The following LRRC7 variants were observed in gnomAD, a reference collection of about 807,000 sequenced individuals.
LRRC7 encodes the protein leucine-rich repeat-containing protein 7.
Under a neutral mutation model 175.7 loss-of-function variants are expected in LRRC7, and 23 were observed. The ratio of observed to expected loss-of-function variants is 0.13; its 90% CI spans 0.09 to 0.19. LRRC7 has a LOEUF of 0.19. LRRC7 is among the 10% of genes least tolerant of loss of function. LRRC7 has a pLI of 1.00. For synonymous variants in LRRC7, 685 were observed against 680.9 expected (o/e 1.01, Z -0.09); for missense variants, 1,354 against 1,904.7 (o/e 0.71, Z 5.38).
chr1:69,887,971 C>T (rs1459301646), intron 7 of LRRC7, among the ~76,000 whole-genome samples: 1 of 137,002 alleles, frequency 7.3e-6, no homozygotes, highest in Non-Finnish European at 1.6e-5. Context: ...GGCAGTCTGC[C>T]CGTTCTCAGA....
chr1:70,102,936 A>G (rs1318357777), intron 25 of LRRC7, among the ~76,000 whole-genome samples: 1 of 152,124 alleles, frequency 6.6e-6, no homozygotes, highest in Non-Finnish European at 1.5e-5. Flanking sequence ...TGGCTTCTCA[A>G]AAACATCCTA....
chr1:70,062,087 A>G (rs937302802), intron 23 of LRRC7, among the ~76,000 whole-genome samples: 1 of 152,106 alleles, frequency 6.6e-6, no homozygotes. Context: ...CACCAATAGG[A>G]GGCTTTTGAG....
At chr1:69,916,202 A>ATT (rs1406446033) in intron 7 of LRRC7, among the ~76,000 whole-genome samples, 4 of 118,218 alleles carry the variant, frequency 3.4e-5, no homozygotes, top group African/African-American at 6.6e-5. Flanking sequence ...TTTTATATAT[A>ATT]AAAATAAAAT....
chr1:70,006,386 C>T (rs555122989), intron 11 of LRRC7, among the ~76,000 whole-genome samples: 47 of 151,278 alleles, frequency 3.1e-4, no homozygotes, highest in Admixed American at 8.6e-4. Context: ...GAAGGAGAAT[C>T]GCTTGAACCC....
intron 2 of LRRC7, among the ~76,000 whole-genome samples, chr1:69,717,829 A>AG (rs1467712531): frequency 2.5e-4 from 15 of 60,526 alleles, no homozygotes; most frequent in African/African-American, 6.9e-4. Context: ...AAAGAAAGAA[A>AG]GAAAGAAAGA....
intron 5 of LRRC7, among the ~76,000 whole-genome samples, chr1:69,832,303 TA>T (rs574400765): frequency 6.6e-5 from 10 of 152,228 alleles, no homozygotes; most frequent in African/African-American, 2.4e-4. Context: ...AGAGGGACAT[TA>T]ATTCCATGGA....
At chr1:69,993,652 G>A (rs749137204) in intron 10 of LRRC7, among the ~76,000 whole-genome samples, 47 of 152,160 alleles carry the variant, frequency 3.1e-4, no homozygotes, top group African/African-American at 6.0e-4. Flanking sequence ...TTAATTTGGC[G>A]TCTCTCAAAA....
intron 4 of LRRC7, among the ~76,000 whole-genome samples, chr1:69,814,895 C>T (rs996786160): frequency 1.3e-5 from 2 of 152,120 alleles, no homozygotes; most frequent in African/African-American, 4.8e-5. Context: ...ACTTTCTTGC[C>T]ACATTTTGTT....
intron 2 of LRRC7, among the ~76,000 whole-genome samples, chr1:69,710,990 C>T (rs753225650): frequency 5.3e-5 from 8 of 152,220 alleles, no homozygotes; most frequent in South Asian, 2.1e-4. Context: ...ACTGCAAAAA[C>T]GTTCTTTGCT....
At chr1:70,095,667 A>T (rs1290656366) in intron 25 of LRRC7, among the ~76,000 whole-genome samples, 2 of 152,182 alleles carry the variant, frequency 1.3e-5, no homozygotes, top group Non-Finnish European at 2.9e-5. Flanking sequence ...CAGCTTATGA[A>T]AGCAAATAAG....
intron 25 of LRRC7, 69 bp from the exon 26 acceptor site, chr1:70,107,683 T>G: frequency 8.9e-7 from 1 of 1,124,784 alleles, no homozygotes. Context: ...TCTATGTGAA[T>G]GAAGATTTGT....
At chr1:69,660,388 A>T (rs1657281381) in intron 1 of LRRC7, among the ~76,000 whole-genome samples, 2 of 152,158 alleles carry the variant, frequency 1.3e-5, no homozygotes. Flanking sequence ...ATAGACAAAC[A>T]GAAACAAAAT....
intron 2 of LRRC7, among the ~76,000 whole-genome samples, chr1:69,754,522 T>C (rs1318516169): frequency 4.0e-5 from 6 of 151,848 alleles, no homozygotes; most frequent in Admixed American, 3.3e-4. Context: ...AGGAGGAGGT[T>C]TGGGTAGAAC....
chr1:70,016,258 T>C (rs1571021596), intron 13 of LRRC7, among the ~76,000 whole-genome samples: 1 of 152,268 alleles, frequency 6.6e-6, no homozygotes, highest in East Asian at 1.9e-4. Flanking sequence ...TGTTAAACAT[T>C]TTTTATTTTT....
intron 18 of LRRC7, among the ~76,000 whole-genome samples, chr1:70,031,729 T>C (rs981333563): frequency 2.6e-5 from 4 of 152,170 alleles, no homozygotes; most frequent in Admixed American, 6.5e-5. Context: ...TCATTGATTT[T>C]CAAATGCCAC....
At chr1:69,808,443 A>T (rs1369919474) in intron 4 of LRRC7, among the ~76,000 whole-genome samples, 1 of 152,014 alleles carries the variant, frequency 6.6e-6, no homozygotes. Context: ...CTCCACCCCA[A>T]ATCAACAGAA....
chr1:69,817,991 C>T (rs2101184695), intron 4 of LRRC7, among the ~76,000 whole-genome samples: 1 of 152,168 alleles, frequency 6.6e-6, no homozygotes, highest in Non-Finnish European at 1.5e-5. Flanking sequence ...ACTAAATTTG[C>T]TTAATAGTTC....
intron 24 of LRRC7, among the ~76,000 whole-genome samples, chr1:70,076,525 A>G (rs1024361985): frequency 4.6e-5 from 7 of 152,136 alleles, no homozygotes; most frequent in African/African-American, 1.4e-4. Context: ...GGAAAAATTG[A>G]TGGGGCAGAA....
intron 20 of LRRC7, among the ~76,000 whole-genome samples, chr1:70,036,972 A>G (rs1659378058): frequency 6.6e-6 from 1 of 152,220 alleles, no homozygotes; most frequent in Non-Finnish European, 1.5e-5. Flanking sequence ...AAATGCCAGT[A>G]AAACACTTAG....
Sources: gnomAD v4.1 joint callset for allele counts (sites outside exome capture counted in the v4.1 genomes callset) on GRCh38, gnomAD v4.1.1 for gene constraint, MANE v1.5 for transcripts, NCBI Gene and HGNC (gene_info 2026-07-23, HGNC 2026-07-21) for gene names.